The following AGBL4 variants were observed in gnomAD, a reference collection of about 807,000 sequenced individuals.
The protein encoded by AGBL4 is AGBL carboxypeptidase 4.
In AGBL4, 58 loss-of-function variants were observed where a neutral mutation model predicts 66.4. The observed-to-expected ratio is 0.87, with a 90% CI of 0.71 to 1.09. The LOEUF is 1.09. AGBL4 is among the 50% of genes least tolerant of loss of function. The probability of loss-of-function intolerance (pLI) is 0.00; values close to 1 mark genes in which losing one functional copy is unlikely to be tolerated. For missense variants in AGBL4, 579 were observed against 631.0 expected, an observed-to-expected ratio of 0.92 and a Z score of 0.88; for synonymous variants, 234 against 222.9, an observed-to-expected ratio of 1.05 and a Z score of -0.44.
In AGBL4 at chr1:49,703,093, A is replaced by C. The variant is rs539351695; in HGVS notation, c.158-5656T>G. 8.5e-5 allele frequency among the ~76,000 whole-genome samples: 13 copies of C among 152,246 alleles called. No homozygotes were observed. In the East Asian group the frequency reaches 2.1e-3, roughly 25 times the overall value. ...TGTTGTGGAGATTCCAGGAAGGACA[A>C]GTATGCCAGAAAAAAAAGCATTCAT... On this transcript the variant is annotated intron_variant, in intron 2 of 13. Transcript: ENST00000371839.
At chr1:50,005,686 C>T (rs1161729045) in intron 1 of AGBL4, among the ~76,000 whole-genome samples, 2 of 152,140 alleles carry the variant, frequency 1.3e-5, no homozygotes, top group African/African-American at 4.8e-5. Context: ...ATTCTGGAGT[C>T]ACAGAGATAT....
chr1:49,565,340 G>A (rs1354536343), intron 3 of AGBL4, among the ~76,000 whole-genome samples: 1 of 152,158 alleles, frequency 6.6e-6, no homozygotes, highest in African/African-American at 2.4e-5. Context: ...ATTTGATCCT[G>A]TCATTATGAT....
chr1:48,681,575 G>T (rs895667606), intron 6 of AGBL4, among the ~76,000 whole-genome samples: 4 of 152,176 alleles, frequency 2.6e-5, no homozygotes, highest in Non-Finnish European at 4.4e-5. Context: ...GGGAAGCTCT[G>T]CCAGGAAAAG....
chr1:49,720,143 G>A, intron 2 of AGBL4, among the ~76,000 whole-genome samples: 1 of 151,992 alleles, frequency 6.6e-6, no homozygotes, highest in East Asian at 1.9e-4. Flanking sequence ...CCAAATAACA[G>A]CATTATAGGT....
intron 9 of AGBL4, among the ~76,000 whole-genome samples, chr1:48,592,163 C>T (rs1248622372): frequency 3.3e-5 from 5 of 152,142 alleles, no homozygotes; most frequent in Admixed American, 1.3e-4. Context: ...CACAGAATAA[C>T]GGGGACTGAC....
At chr1:49,972,162 G>T (rs994432031) in intron 1 of AGBL4, among the ~76,000 whole-genome samples, 11 of 151,466 alleles carry the variant, frequency 7.3e-5, no homozygotes, top group Non-Finnish European at 1.5e-4. Flanking sequence ...CATGATCCAG[G>T]CCTCCCAAAG....
intron 3 of AGBL4, among the ~76,000 whole-genome samples, chr1:49,365,409 G>A (rs1211225109): frequency 6.6e-6 from 1 of 151,852 alleles, no homozygotes; most frequent in Non-Finnish European, 1.5e-5. Context: ...TGGAGTCAAT[G>A]AGAAAACGTC....
intron 6 of AGBL4, among the ~76,000 whole-genome samples, chr1:48,844,996 C>G (rs1294964839): frequency 1.3e-5 from 2 of 152,148 alleles, no homozygotes; most frequent in African/African-American, 2.4e-5. Context: ...TTCATCAGCA[C>G]AAGTGTATGG....
chr1:49,316,884 CA>C (rs1457052510), intron 3 of AGBL4, among the ~76,000 whole-genome samples: 1 of 151,628 alleles, frequency 6.6e-6, no homozygotes, highest in Non-Finnish European at 1.5e-5. Context: ...GTGATGCATT[CA>C]AACAATGAAT....
intron 3 of AGBL4, among the ~76,000 whole-genome samples, chr1:49,288,373 AAAAG>A (rs1455613606): frequency 6.6e-6 from 1 of 152,144 alleles, no homozygotes; most frequent in African/African-American, 2.4e-5. Context: ...ATAAAAAAAA[AAAAG>A]AAAGAAAGTA....
At chr1:49,702,955 A>G (rs1443444437) in intron 2 of AGBL4, among the ~76,000 whole-genome samples, 1 of 152,138 alleles carries the variant, frequency 6.6e-6, no homozygotes, top group Non-Finnish European at 1.5e-5. Flanking sequence ...CATAAAGAGT[A>G]TATTTGAAAA....
At chr1:49,730,391 G>A (rs1460219411) in intron 2 of AGBL4, among the ~76,000 whole-genome samples, 1 of 152,166 alleles carries the variant, frequency 6.6e-6, no homozygotes, top group East Asian at 1.9e-4. Flanking sequence ...CAGACTATGG[G>A]AGTGAAGAGC....
intron 6 of AGBL4, chr1:48,761,151 C>A (rs2148661717): frequency 1.6e-6 from 1 of 615,998 alleles, no homozygotes; most frequent in East Asian, 3.0e-5. Context: ...TCAGGGCTCT[C>A]TAGAAAGTTG....
At chr1:48,883,386 TC>T (rs983826427) in intron 5 of AGBL4, among the ~76,000 whole-genome samples, 1 of 152,178 alleles carries the variant, frequency 6.6e-6, no homozygotes, top group Non-Finnish European at 1.5e-5. Flanking sequence ...GCTACATCCT[TC>T]CTTGCCTAGC....
At chr1:48,880,738 T>C (rs1354956220) in intron 5 of AGBL4, among the ~76,000 whole-genome samples, 1 of 152,220 alleles carries the variant, frequency 6.6e-6, no homozygotes, top group Non-Finnish European at 1.5e-5. Context: ...CTAGTCTCAC[T>C]TTTTTCCATG....
intron 9 of AGBL4, among the ~76,000 whole-genome samples, chr1:48,633,023 T>C (rs1316659628): frequency 2.6e-5 from 4 of 152,192 alleles, no homozygotes; most frequent in African/African-American, 9.6e-5. Flanking sequence ...TCTCTGCATA[T>C]GGATTTGGTG....
At chr1:49,526,799 T>C (rs1558022472) in intron 3 of AGBL4, among the ~76,000 whole-genome samples, 1 of 152,112 alleles carries the variant, frequency 6.6e-6, no homozygotes, top group East Asian at 1.9e-4. Context: ...AAGAGAAACA[T>C]TTATTCTGTG....
At chr1:49,145,378 C>T (rs1290946439) in intron 4 of AGBL4, among the ~76,000 whole-genome samples, 1 of 152,090 alleles carries the variant, frequency 6.6e-6, no homozygotes, top group Admixed American at 6.6e-5. Flanking sequence ...ATTTCTTACC[C>T]TCAGTTTTTA....
chr1:48,528,155 G>A (rs764961866), downstream of AGBL4, among the ~76,000 whole-genome samples: 8 of 152,148 alleles, frequency 5.3e-5, no homozygotes, highest in East Asian at 7.7e-4. Flanking sequence ...ATTAGCAAGC[G>A]GTGGAGCTGA....
Sources: allele counts gnomAD v4.1 joint callset (sites outside exome capture counted in the v4.1 genomes callset), GRCh38; gene constraint gnomAD v4.1.1; transcripts MANE v1.5; gene names NCBI Gene and HGNC (gene_info 2026-07-23, HGNC 2026-07-21).